The following AGO1 variants were observed in gnomAD, a reference collection of about 807,000 sequenced individuals.
AGO1 encodes protein argonaute-1.
AGO1 carries 11 observed loss-of-function variants against 109.2 expected under a neutral mutation model. That is an observed-to-expected ratio of 0.10 (90% CI 0.06 to 0.17). AGO1 has a LOEUF of 0.17. AGO1 is among the 10% of genes least tolerant of loss of function. AGO1 has a pLI of 1.00. For missense variants in AGO1, 574 were observed against 1,140.3 expected (o/e 0.50, Z 7.15); for synonymous variants, 422 against 418.6 (o/e 1.01, Z -0.10).
intron 1 of AGO1, among the ~76,000 whole-genome samples, chr1:35,884,520 A>G (rs1392257855): frequency 6.6e-6 from 1 of 152,092 alleles, no homozygotes; most frequent in Non-Finnish European, 1.5e-5. Context: ...ATTTATTCTA[A>G]TATTTCTTAA....
intron 1 of AGO1, among the ~76,000 whole-genome samples, chr1:35,887,409 A>G (rs982186155): frequency 6.6e-6 from 1 of 152,196 alleles, no homozygotes; most frequent in African/African-American, 2.4e-5. Context: ...AAGCTAGAAA[A>G]TAAGACTGGA....
intron 12 of AGO1, among the ~76,000 whole-genome samples, chr1:35,911,682 T>C (rs1645635506): frequency 6.6e-6 from 1 of 152,232 alleles, no homozygotes. Flanking sequence ...TGCTCAAATC[T>C]CTTCCATTGA....
intron 2 of AGO1, among the ~76,000 whole-genome samples, chr1:35,891,860 T>C (rs1404572386): frequency 6.6e-6 from 1 of 151,950 alleles, no homozygotes; most frequent in East Asian, 1.9e-4. Context: ...CCACTGCACC[T>C]GGCCATCCTT....
chr1:35,880,439 G>C (rs115647453), upstream of AGO1, among the ~76,000 whole-genome samples: 1,020 of 152,244 alleles, frequency 6.7e-3, 8 homozygotes, highest in African/African-American at 0.023. Context: ...GCATGCACCT[G>C]TAGTCTCAGC....
At chr1:35,890,482 C>T (rs1430313171) in intron 2 of AGO1, among the ~76,000 whole-genome samples, 1 of 152,152 alleles carries the variant, frequency 6.6e-6, no homozygotes, top group Non-Finnish European at 1.5e-5. Flanking sequence ...GAAGATATTA[C>T]ATACCGGCAC....
chr1:35,888,454 A>G lies in AGO1; in HGVS notation c.53A>G (p.Gln18Arg), dbSNP rs757285327. The G allele has an allele frequency of 3.1e-6, 5 of 1,614,174 alleles. No individual in the cohort carries two copies. Among genetic ancestry groups the G allele is most frequent in the Non-Finnish European group, 4.2e-6 (5 of 1,180,020 alleles). Residue 18 changes from glutamine to arginine, a missense_variant, in exon 2 of 19, where the codon CAG becomes CGG. This residue lies in a region of AGO1 where 89 missense variants were observed against 109.6 expected (regional missense o/e 0.81). Coordinates refer to ENST00000373204, the MANE Select transcript of AGO1 (RefSeq NM_012199.5). This position sits in a 1 kb window ranked among gnomAD's most constrained non-coding sequence, Gnocchi z 4.1. Reference sequence around the variant, plus strand: ...GCGGGCGCTTACCTGCCCCCCCTGCAGCAGGTGTTCCAGGCACCTCGCCGG... The same window carrying G: ...GCGGGCGCTTACCTGCCCCCCCTGCGGCAGGTGTTCCAGGCACCTCGCCGG... ...AAAGAYLPPLQQVFQAPRRPG... is the reference protein window; with the variant it reads ...AAAGAYLPPLRQVFQAPRRPG...
rs183992910 is a variant in AGO1, at chr1:35,904,198, C to T, written c.1397+1861C>T. On this transcript the variant is annotated intron_variant, in intron 11 of 18. Coordinates refer to ENST00000373204, the MANE Select transcript of AGO1 (RefSeq NM_012199.5). ...TCGGCTCACTGCAAGCTCCGCCTTCCGGGTTCACGCCAGTCTCCTGCCTCA... is the reference window on the plus strand; with the variant it reads ...TCGGCTCACTGCAAGCTCCGCCTTCTGGGTTCACGCCAGTCTCCTGCCTCA... Among the ~76,000 whole-genome samples, 461 of 149,710 alleles carry T rather than the reference C, an allele frequency of 3.1e-3. 3 individuals carry two copies. The highest frequency in any genetic ancestry group is 0.01 in the African/African-American group (414 of 40,588).
chr1:35,901,385 C>A lies in AGO1; in HGVS notation c.1021-89C>A. On this transcript the variant is annotated intron_variant, in intron 8 of 18. Coordinates refer to ENST00000373204, the MANE Select transcript of AGO1 (RefSeq NM_012199.5). This position sits in a 1 kb window ranked among gnomAD's most constrained non-coding sequence, Gnocchi z 4.8. Reference sequence around the variant, plus strand: ...TTGCAGTTCCCTTCCCCATGGCTGACAGCCAAGGTATCTTTCCTTATTGTG... The same window carrying A: ...TTGCAGTTCCCTTCCCCATGGCTGAAAGCCAAGGTATCTTTCCTTATTGTG... 1 of 1,560,340 alleles carries A rather than the reference C, an allele frequency of 6.4e-7. No individual in the cohort carries two copies. The highest frequency in any genetic ancestry group is 1.8e-5 in the Admixed American group (1 of 54,726).
Position 35,918,261 on chromosome 1 carries a change from C to T in AGO1, c.2164-61C>T. On this transcript the variant is annotated intron_variant, in intron 16 of 18. Transcript: ENST00000373204. ...TTGGTGAAATCAGAGTAGAATTGAG[C>T]CAGGGTCCTGGTTAGGGCCAGGCAG... 17 of 1,340,270 alleles carry T rather than the reference C, an allele frequency of 1.3e-5. No homozygotes were observed. In the South Asian group the frequency reaches 2.0e-4, roughly 16 times the overall value. 83.0% of individuals were successfully genotyped at this position (1,340,270 alleles called of 1,614,324 possible).
At position 35,925,032 on chromosome 1, in the gene AGO1, C is replaced by T. The variant is rs748441732; in HGVS notation, c.*5425C>T. 3 of 151,884 alleles carry T rather than the reference C, an allele frequency of 2.0e-5. No homozygotes were observed. Among genetic ancestry groups the T allele is most frequent in the Non-Finnish European group, 4.4e-5 (3 of 67,966 alleles). 9.4% of individuals were successfully genotyped at this position (151,884 alleles called of 1,614,324 possible). On this transcript the variant is annotated 3_prime_UTR_variant, in exon 19 of 19. Transcript: ENST00000373204. ...CCCTAAGAAACTCAATTTAAAGGTT[C>T]GGGGGAGGAAGCAGATCTTAAGGTG...
In AGO1 at chr1:35,901,341, C is replaced by T. The variant is rs764862517; in HGVS notation, c.1021-133C>T. ...TCAAATGATACTCAGGAGGAGAATA[C>T]ATGTATGCACAACGGATTTTGCAGT... is the stretch of plus-strand genomic sequence containing the variant. On this transcript the variant is annotated intron_variant, in intron 8 of 18. Transcript: ENST00000373204. The surrounding 1 kb of genome is among the most constrained non-coding windows in gnomAD (Gnocchi z 4.8). The T allele has an allele frequency of 9.4e-7, 1 of 1,065,022 alleles. No homozygotes were observed. Among genetic ancestry groups the T allele is most frequent in the Non-Finnish European group, 1.4e-6 (1 of 720,356 alleles). 66.0% of individuals were successfully genotyped at this position (1,065,022 alleles called of 1,614,324 possible).
At chr1:35,883,074 C>T, upstream of AGO1, 1 of 1,037,412 alleles carries the variant, frequency 9.6e-7, no homozygotes, top group Non-Finnish European at 1.2e-6. This position sits in a 1 kb window ranked among gnomAD's most constrained non-coding sequence, Gnocchi z 5.4. Context: ...GGCTGCATGG[C>T]GACGGGTGAC....
intron 12 of AGO1, among the ~76,000 whole-genome samples, chr1:35,911,600 C>T (rs1645634320): frequency 6.6e-6 from 1 of 151,784 alleles, no homozygotes; most frequent in African/African-American, 2.4e-5. Flanking sequence ...TCTGGCTTTT[C>T]TGAGTGTTGT....
At chr1:35,917,303 T>C (rs1019193946) in intron 15 of AGO1, among the ~76,000 whole-genome samples, 1 of 152,214 alleles carries the variant, frequency 6.6e-6, no homozygotes, top group Admixed American at 6.5e-5. Flanking sequence ...CTGTGAACCT[T>C]GGTTCTGTGT....
intron 1 of AGO1, among the ~76,000 whole-genome samples, chr1:35,872,889 G>A (rs759500328): frequency 6.6e-6 from 1 of 151,802 alleles, no homozygotes; most frequent in Non-Finnish European, 1.5e-5. Flanking sequence ...GTCTATTTCT[G>A]TTCTTTTCAG....
At chr1:35,892,076 C>T (rs528429234) in intron 2 of AGO1, among the ~76,000 whole-genome samples, 1 of 152,052 alleles carries the variant, frequency 6.6e-6, no homozygotes, top group African/African-American at 2.4e-5. Flanking sequence ...GTAGAAGATA[C>T]GGTCTCACTC....
Position 35,893,031 on chromosome 1 carries a change from T to C in AGO1, c.331-66T>C. 1.4e-6 allele frequency: 2 copies of C among 1,451,102 alleles called. No homozygotes were observed. Among genetic ancestry groups the C allele is most frequent in the East Asian group, 2.3e-5 (1 of 42,708 alleles). 89.9% of individuals were successfully genotyped at this position (1,451,102 alleles called of 1,614,324 possible). A position where few individuals can be genotyped will look rare whatever the true frequency, so the allele number is the denominator to read the frequency against. On this transcript the variant is annotated intron_variant, in intron 3 of 18. Transcript: ENST00000373204. This position sits in a 1 kb window ranked among gnomAD's most constrained non-coding sequence, Gnocchi z 5.6. ...GAAAAACATGTTCTCAGCAAATCCATGGAGTTGGGGGTCATTCTCGCAGAG... is the reference window on the plus strand; with the variant it reads ...GAAAAACATGTTCTCAGCAAATCCACGGAGTTGGGGGTCATTCTCGCAGAG...
intron 8 of AGO1, among the ~76,000 whole-genome samples, chr1:35,899,047 C>A (rs1489921895): frequency 6.6e-6 from 1 of 152,278 alleles, no homozygotes; most frequent in Admixed American, 6.5e-5. Context: ...CATTAAATGG[C>A]AACTCCCTCC....
chr1:35,917,750 C>A (rs764078602), intron 16 of AGO1, 23 bp downstream of exon 16: 1 of 1,606,090 alleles, frequency 6.2e-7, no homozygotes, highest in East Asian at 2.2e-5. Flanking sequence ...CTGAGGCCTC[C>A]CATCCCCTCC....
Sources: allele counts gnomAD v4.1 joint callset (sites outside exome capture counted in the v4.1 genomes callset), GRCh38; gene constraint gnomAD v4.1.1; regional missense constraint gnomAD v4.1.1; non-coding constraint Gnocchi (gnomAD v3.1); transcripts MANE v1.5; gene names NCBI Gene and HGNC (gene_info 2026-07-23, HGNC 2026-07-21).